Variants in SEMA4A observed in about 807,000 individuals in gnomAD.
SEMA4A encodes the protein semaphorin-4A.
SEMA4A carries 52 observed loss-of-function variants against 72.5 expected under a neutral mutation model. That is an observed-to-expected ratio of 0.72 (90% CI 0.57 to 0.90). SEMA4A has a LOEUF of 0.90. SEMA4A is among the 40% of genes least tolerant of loss of function. The pLI is 0.00. For missense variants in SEMA4A, 926 were observed against 959.7 expected (o/e 0.96, Z 0.46); for synonymous variants, 369 against 393.1 (o/e 0.94, Z 0.73).
chr1:156,156,698 A>G (rs1653066314), intron 3 of SEMA4A, 124 bp downstream of exon 3: 4 of 896,730 alleles, frequency 4.5e-6, no homozygotes, highest in Non-Finnish European at 7.1e-6. Context: ...AGTTCTCTTT[A>G]TATGTATATC....
upstream of SEMA4A, among the ~76,000 whole-genome samples, chr1:156,152,781 A>G (rs371730993): frequency 3.6e-4 from 55 of 152,274 alleles, 1 homozygote; most frequent in East Asian, 5.8e-3. Flanking sequence ...CCAGGGAGGA[A>G]TGTGCATGTC....
intron 10 of SEMA4A, among the ~76,000 whole-genome samples, chr1:156,169,971 G>C (rs1417262456): frequency 6.6e-6 from 1 of 151,864 alleles, no homozygotes; most frequent in Non-Finnish European, 1.5e-5. Context: ...GTTGCAGTGA[G>C]CCGAGATCGT....
chr1:156,161,147 G>A (rs1558150974), intron 8 of SEMA4A, 118 bp downstream of exon 8: 5 of 818,150 alleles, frequency 6.1e-6, no homozygotes, highest in African/African-American at 1.9e-5. Flanking sequence ...GGGAACAAGC[G>A]GGCCTGGCGG....
At position 156,176,624 on chromosome 1, in the gene SEMA4A, A is replaced by C. The variant is rs1482627515; in HGVS notation, c.1913A>C (p.Tyr638Ser). 6.2e-7 allele frequency: 1 copy of C among 1,614,064 alleles called. No homozygotes were observed. Among genetic ancestry groups the C allele is most frequent in the Non-Finnish European group, 8.5e-7 (1 of 1,180,000 alleles). Reference sequence around the variant, plus strand: ...GGCTTTTCATACCCTGTGATCTCCTACTGGGTGGACAGCCAGGACCAGACC... The same window carrying C: ...GGCTTTTCATACCCTGTGATCTCCTCCTGGGTGGACAGCCAGGACCAGACC... ...ENGFSYPVISYWVDSQDQTLA... is the reference protein window; with the variant it reads ...ENGFSYPVISSWVDSQDQTLA... The change falls in exon 15 of 15, where the codon TAC becomes TCC. Residue 638 changes from tyrosine (Y) to serine (S), a missense_variant. Coordinates refer to ENST00000368285, the MANE Select transcript of SEMA4A (RefSeq NM_022367.4).
intron 9 of SEMA4A, among the ~76,000 whole-genome samples, chr1:156,162,720 A>T (rs528674090): frequency 4.6e-5 from 7 of 152,376 alleles, no homozygotes; most frequent in African/African-American, 1.7e-4. Context: ...ATCAGACTTC[A>T]GATCCCAAGA....
At chr1:156,165,352 CT>C (rs564463822) in intron 10 of SEMA4A, among the ~76,000 whole-genome samples, 16 of 149,200 alleles carry the variant, frequency 1.1e-4, no homozygotes, top group East Asian at 3.9e-4. Context: ...ATGGCTTCCT[CT>C]TTTTTTTTTC....
rs1032697430 is a variant in SEMA4A, at chr1:156,174,754, C to T, written c.1316-68C>T. 123 of 1,604,594 alleles carry T rather than the reference C, an allele frequency of 7.7e-5. 1 individual carries two copies. Among genetic ancestry groups the T allele is most frequent in the Middle Eastern group, 1.7e-4 (1 of 6,030 alleles). Reference sequence around the variant, plus strand: ...AGGAGCTTTCTTACAGCTGGGGAGGCCCCCGGAAGTTGGGAAGGGATCTGT... The same window carrying T: ...AGGAGCTTTCTTACAGCTGGGGAGGTCCCCGGAAGTTGGGAAGGGATCTGT... On this transcript the variant is annotated intron_variant, in intron 11 of 14. Transcript: ENST00000368285.
chr1:156,158,246 A>G, intron 4 of SEMA4A, 114 bp downstream of exon 4: 1 of 1,298,722 alleles, frequency 7.7e-7, no homozygotes, highest in Non-Finnish European at 1.1e-6. Context: ...TTGCACGGTT[A>G]TCTCCTGGAT....
intron 9 of SEMA4A, among the ~76,000 whole-genome samples, chr1:156,161,950 G>A (rs1205836499): frequency 6.6e-6 from 1 of 152,136 alleles, no homozygotes; most frequent in Non-Finnish European, 1.5e-5. Context: ...ACAGGGAAAC[G>A]CTATCCGTAT....
upstream of SEMA4A, among the ~76,000 whole-genome samples, chr1:156,150,910 TG>T (rs1652484848): frequency 6.6e-6 from 1 of 151,796 alleles, no homozygotes; most frequent in Admixed American, 6.6e-5. Flanking sequence ...TGTGGAGAAA[TG>T]GGCTGGGGGA....
At chr1:156,172,757 A>G (rs1654920610) in intron 10 of SEMA4A, 69 bp from the exon 11 acceptor site, 1 of 1,379,526 alleles carries the variant, frequency 7.2e-7, no homozygotes, top group Non-Finnish European at 1.0e-6. Context: ...GGAGAAGAGC[A>G]GGCGTTGGAG....
rs985408442 is a variant in SEMA4A, at chr1:156,158,279, G to C, written c.364-109G>C. The C allele has an allele frequency of 1.4e-5, 18 of 1,265,220 alleles. No homozygotes were observed. In the South Asian group the frequency reaches 2.1e-4, roughly 15 times the overall value. The allele number at this position is 1,265,220 out of a possible 1,614,324, so 78.4% of individuals were successfully genotyped here. A position where few individuals can be genotyped will look rare whatever the true frequency, so the allele number is the denominator to read the frequency against. On this transcript the variant is annotated intron_variant, in intron 4 of 14. Transcript: ENST00000368285. ...GATTATGTTCTACAGAGGCGTACAG[G>C]GACTGCCCCAGCATTACCTAGCCTT...
At chr1:156,172,711 C>A in intron 10 of SEMA4A, 115 bp from the exon 11 acceptor site, 2 of 1,002,044 alleles carry the variant, frequency 2.0e-6, no homozygotes, top group Non-Finnish European at 3.1e-6. Flanking sequence ...TAACCACCAC[C>A]CTGAAATGAG....
intron 2 of SEMA4A, 131 bp downstream of exon 2, chr1:156,154,848 A>G: frequency 8.9e-7 from 1 of 1,122,306 alleles, no homozygotes; most frequent in Non-Finnish European, 1.3e-6. Flanking sequence ...GATGCCAGGG[A>G]GAAACAGAGG....
chr1:156,148,801 CTTTTTTTTTTTT>C (rs371528689), upstream of SEMA4A, among the ~76,000 whole-genome samples: 3 of 128,740 alleles, frequency 2.3e-5, no homozygotes, highest in Admixed American at 7.7e-5. Flanking sequence ...TTTCTTTTTT[CTTTTTTTTTTTT>C]TTTTTTGAGA....
Position 156,157,973 on chromosome 1 carries a change from G to A in SEMA4A, c.301-97G>A, listed in dbSNP as rs531735830. On this transcript the variant is annotated intron_variant, in intron 3 of 14. Transcript: ENST00000368285. This position sits in a 1 kb window ranked among gnomAD's most constrained non-coding sequence, Gnocchi z 4.5. Reference sequence around the variant, plus strand: ...CATGTCACTAACCACCATGTCTGCTGGTTATTTCACATCAGAGCAGAGAAG... The same window carrying A: ...CATGTCACTAACCACCATGTCTGCTAGTTATTTCACATCAGAGCAGAGAAG... 3.8e-5 allele frequency: 47 copies of A among 1,233,282 alleles called. No individual in the cohort carries two copies. In the South Asian group the frequency reaches 5.7e-4, roughly 15 times the overall value. 76.4% of individuals were successfully genotyped at this position (1,233,282 alleles called of 1,614,324 possible). A position where few individuals can be genotyped will look rare whatever the true frequency, so the allele number is the denominator to read the frequency against.
At chr1:156,168,784 T>G (rs1392080559) in intron 10 of SEMA4A, among the ~76,000 whole-genome samples, 1 of 152,206 alleles carries the variant, frequency 6.6e-6, no homozygotes, top group Non-Finnish European at 1.5e-5. Context: ...GTATCTTTAC[T>G]GTATCTTAGG....
At chr1:156,172,802 T>G (rs1654924689) in intron 10 of SEMA4A, 24 bp from the exon 11 acceptor site, 1 of 1,613,460 alleles carries the variant, frequency 6.2e-7, no homozygotes, top group African/African-American at 1.3e-5. Flanking sequence ...CAAACCAACC[T>G]GATCTGCCTC....
chr1:156,163,942 A>G (rs1653922389), intron 10 of SEMA4A, among the ~76,000 whole-genome samples: 1 of 151,304 alleles, frequency 6.6e-6, no homozygotes, highest in Admixed American at 6.6e-5. Flanking sequence ...AGGTGGGAGG[A>G]TCACTTGAGC....
Sources: gnomAD v4.1 joint callset for allele counts (sites outside exome capture counted in the v4.1 genomes callset) on GRCh38, gnomAD v4.1.1 for gene constraint, Gnocchi (gnomAD v3.1) non-coding constraint, MANE v1.5 for transcripts, NCBI Gene and HGNC (gene_info 2026-07-23, HGNC 2026-07-21) for gene names.